Variants in PPARGC1A observed in about 807,000 individuals in gnomAD.
The protein encoded by PPARGC1A is PPARG coactivator 1 alpha.
A neutral mutation model predicts 88.7 loss-of-function variants in PPARGC1A; 25 were observed. That is an observed-to-expected ratio of 0.28 (90% CI 0.21 to 0.39). PPARGC1A has a LOEUF of 0.39. Among genes scored for constraint, PPARGC1A ranks in the 10% least tolerant of loss-of-function variants. PPARGC1A has a pLI of 1.00. For missense variants in PPARGC1A, 880 were observed against 968.7 expected (o/e 0.91, Z 1.22); for synonymous variants, 363 against 355.6 (o/e 1.02, Z -0.24).
chr4:23,940,674 C>T, the PPARGC1A span, among the ~76,000 whole-genome samples: 8 of 152,048 alleles, frequency 5.3e-5, no homozygotes, highest in African/African-American at 1.9e-4. Context: ...AAGAAGAAAA[C>T]GAAAAATTCA....
At chr4:24,220,373 G>A in the PPARGC1A span, among the ~76,000 whole-genome samples, 1 of 152,196 alleles carries the variant, frequency 6.6e-6, no homozygotes, top group East Asian at 1.9e-4. Flanking sequence ...CCATTACTGG[G>A]ACATGGTCAA....
the PPARGC1A span, among the ~76,000 whole-genome samples, chr4:23,995,589 C>T: frequency 1.3e-5 from 2 of 152,186 alleles, no homozygotes; most frequent in Non-Finnish European, 2.9e-5. Context: ...TACCTCCTCT[C>T]ACTCTGATAC....
the PPARGC1A span, among the ~76,000 whole-genome samples, chr4:23,937,525 AAAAAT>A: frequency 9.2e-5 from 14 of 152,020 alleles, no homozygotes; most frequent in East Asian, 5.8e-4. Context: ...AAATAAAATA[AAAAAT>A]AAAATAAAAT....
At chr4:24,383,821 G>A in the PPARGC1A span, among the ~76,000 whole-genome samples, 1 of 152,176 alleles carries the variant, frequency 6.6e-6, no homozygotes. Flanking sequence ...TTATCCAGGG[G>A]AACTTCCCAA....
At chr4:23,930,306 G>A in the PPARGC1A span, among the ~76,000 whole-genome samples, 23 of 151,990 alleles carry the variant, frequency 1.5e-4, no homozygotes, top group Non-Finnish European at 2.8e-4. Flanking sequence ...TATACTCAAG[G>A]GCAGAAAATA....
At chr4:23,844,872 A>ATTATAATATATAATATATAT (rs1560429950) in intron 2 of PPARGC1A, among the ~76,000 whole-genome samples, 1 of 82,168 alleles carries the variant, frequency 1.2e-5, no homozygotes, top group African/African-American at 4.9e-5. Context: ...GATATATATT[A>ATTATAATATATAATATATAT]TATACACACA....
the PPARGC1A span, among the ~76,000 whole-genome samples, chr4:24,421,232 G>A: frequency 6.6e-6 from 1 of 151,556 alleles, no homozygotes; most frequent in Admixed American, 6.6e-5. Flanking sequence ...GCAGGAGTAT[G>A]TCCCAAATAT....
chr4:24,430,377 C>T, the PPARGC1A span, among the ~76,000 whole-genome samples: 3 of 151,124 alleles, frequency 2.0e-5, no homozygotes, highest in East Asian at 2.0e-4. Flanking sequence ...CCTGCCTCAG[C>T]CTCCCGAGTA....
At chr4:24,321,212 T>A in the PPARGC1A span, among the ~76,000 whole-genome samples, 6 of 152,162 alleles carry the variant, frequency 3.9e-5, no homozygotes, top group Non-Finnish European at 8.8e-5. Flanking sequence ...ATCAAGTGAT[T>A]AAAATGAAGC....
the PPARGC1A span, among the ~76,000 whole-genome samples, chr4:23,961,830 T>C: frequency 2.6e-5 from 4 of 152,174 alleles, no homozygotes; most frequent in Admixed American, 2.6e-4. Context: ...CAGATAATTC[T>C]GAAATCATCC....
At chr4:24,022,789 GC>G in the PPARGC1A span, among the ~76,000 whole-genome samples, 3 of 152,310 alleles carry the variant, frequency 2.0e-5, no homozygotes, top group Admixed American at 2.0e-4. Context: ...CCCTTTCAAT[GC>G]CAAATGGATA....
At chr4:24,081,593 G>T in the PPARGC1A span, among the ~76,000 whole-genome samples, 1 of 152,022 alleles carries the variant, frequency 6.6e-6, no homozygotes, top group Non-Finnish European at 1.5e-5. Flanking sequence ...CAATTGTTGG[G>T]GTTGGTAGGA....
chr4:24,282,038 A>T, the PPARGC1A span, among the ~76,000 whole-genome samples: 1 of 152,070 alleles, frequency 6.6e-6, no homozygotes, highest in Non-Finnish European at 1.5e-5. Context: ...TCTTGCTATT[A>T]TAGGATGTTT....
At chr4:23,968,119 A>G in the PPARGC1A span, among the ~76,000 whole-genome samples, 1 of 152,130 alleles carries the variant, frequency 6.6e-6, no homozygotes, top group Non-Finnish European at 1.5e-5. Flanking sequence ...GAAATCCTAG[A>G]CATCAGGCAG....
At chr4:24,118,551 ATTT>A in the PPARGC1A span, among the ~76,000 whole-genome samples, 6 of 152,148 alleles carry the variant, frequency 3.9e-5, no homozygotes, top group Admixed American at 2.6e-4. Flanking sequence ...GAATATTATT[ATTT>A]TTAGAACACT....
the PPARGC1A span, among the ~76,000 whole-genome samples, chr4:24,330,764 G>A: frequency 6.6e-6 from 1 of 152,180 alleles, no homozygotes; most frequent in East Asian, 1.9e-4. Context: ...CTGGGAAGGG[G>A]TGGAGCTGGG....
chr4:24,087,504 C>T, the PPARGC1A span, among the ~76,000 whole-genome samples: 1 of 152,200 alleles, frequency 6.6e-6, no homozygotes, highest in African/African-American at 2.4e-5. Context: ...GACATGAGTC[C>T]TTGGCCCCTC....
chr4:23,814,288 T>A lies in PPARGC1A; in HGVS notation c.1195A>T (p.Asn399Tyr). The change falls in exon 8 of 13, where the codon AAT becomes TAT. Residue 399 changes from asparagine to tyrosine, a missense_variant. By Grantham distance (143) the Asn-to-Tyr change is moderately radical. Transcript: ENST00000264867. ...SINSKTEILI[N>Y]ISQELQDSRQ... ...GAGTCTTGGAGCTCCTGTGATATAT[T>A]AATGAGTATTTCTGTTTTGGAATTA... 1 of 1,614,050 alleles carries A rather than the reference T, an allele frequency of 6.2e-7. No individual in the cohort carries two copies. Among genetic ancestry groups the A allele is most frequent in the Middle Eastern group, 1.6e-4 (1 of 6,062 alleles).
the PPARGC1A span, among the ~76,000 whole-genome samples, chr4:24,207,703 T>G: frequency 2.6e-5 from 4 of 152,324 alleles, no homozygotes; most frequent in Admixed American, 6.5e-5. Flanking sequence ...TCTTCCCAAT[T>G]TAAAAAAATT....
Sources: allele counts gnomAD v4.1 joint callset (sites outside exome capture counted in the v4.1 genomes callset), GRCh38; gene constraint gnomAD v4.1.1; transcripts MANE v1.5; gene names NCBI Gene and HGNC (gene_info 2026-07-23, HGNC 2026-07-21).